Variants in COL26A1 observed in about 807,000 individuals in gnomAD.
COL26A1 encodes collagen type XXVI alpha 1 chain, also known as collagen alpha-1(XXVI) chain.
A neutral mutation model predicts 59.3 loss-of-function variants in COL26A1; 41 were observed. The observed-to-expected ratio is 0.69, with a 90% confidence interval of 0.54 to 0.90. The LOEUF (loss-of-function observed/expected upper bound fraction) is 0.90, where lower values mean the gene tolerates loss of function less well. COL26A1 is among the 40% of genes least tolerant of loss of function. The pLI, the probability that COL26A1 is intolerant of heterozygous loss-of-function variation, is 0.00. For synonymous variants in COL26A1, 266 were observed against 256.0 expected (o/e 1.04, Z -0.37); for missense variants, 612 against 602.3 (o/e 1.02, Z -0.17).
At chr7:101,548,686 C>A (rs1335576787) in intron 8 of COL26A1, among the ~76,000 whole-genome samples, 1 of 151,976 alleles carries the variant, frequency 6.6e-6, no homozygotes, top group Admixed American at 6.5e-5. Flanking sequence ...AGGGGCCGGG[C>A]TGAGGACTTC....
intron 3 of COL26A1, among the ~76,000 whole-genome samples, chr7:101,459,458 C>T (rs1250981321): frequency 7.3e-6 from 1 of 136,284 alleles, no homozygotes; most frequent in Non-Finnish European, 1.5e-5. Context: ...CACCACCACA[C>T]CCGGCTAATT....
chr7:101,491,471 T>G (rs1356644391), intron 3 of COL26A1, among the ~76,000 whole-genome samples: 1 of 152,090 alleles, frequency 6.6e-6, no homozygotes, highest in Non-Finnish European at 1.5e-5. Context: ...AAGTCCACAG[T>G]GCAAAGCAAA....
chr7:101,378,821 C>T (rs1791380699), intron 1 of COL26A1, among the ~76,000 whole-genome samples: 1 of 152,120 alleles, frequency 6.6e-6, no homozygotes, highest in African/African-American at 2.4e-5. Context: ...TTCCCAGCCC[C>T]TTGGAGGATG....
chr7:101,412,249 A>C (rs550765436), intron 1 of COL26A1, among the ~76,000 whole-genome samples: 29 of 152,292 alleles, frequency 1.9e-4, no homozygotes, highest in African/African-American at 6.7e-4. Context: ...TGCCATGACA[A>C]CACCAGGAGT....
rs768104250 is a variant in COL26A1 at position 101,547,156 on chromosome 7, A to T, written c.857A>T (p.Asn286Ile). 5.2e-5 allele frequency: 83 copies of T among 1,591,846 alleles called. 1 individual carries two copies. In the East Asian group the frequency reaches 1.7e-3, roughly 32 times the overall value. ...CCTGGCCGCTCCGCTCTTCCCACAGATGGAGACTCAAGGCTGGCCTCTGCC... is the reference window on the plus strand; with the variant it reads ...CCTGGCCGCTCCGCTCTTCCCACAGTTGGAGACTCAAGGCTGGCCTCTGCC... The part of the protein sequence containing the change: ...YSLQPPTDKD[N>I]GDSRLASAIV... Residue 286 changes from asparagine (N) to isoleucine (I), a missense_variant and splice_region_variant, in exon 8 of 13, where the codon AAT becomes ATT. Physicochemically the swap from Asn to Ile is moderately radical, Grantham distance 149. Transcript: ENST00000313669.
At chr7:101,365,697 C>T (rs10953334) in intron 1 of COL26A1, among the ~76,000 whole-genome samples, 87,491 of 151,230 alleles carry the variant, frequency 0.58, 26,809 homozygotes, top group African/African-American at 0.8. Context: ...GTGCTGGGAT[C>T]ACAGGCATGA....
chr7:101,419,091 C>G, intron 1 of COL26A1, among the ~76,000 whole-genome samples: 1 of 120,262 alleles, frequency 8.3e-6, no homozygotes, highest in East Asian at 2.5e-4. Flanking sequence ...CTCCCCTCCC[C>G]TCCCCTCCCC....
intron 4 of COL26A1, among the ~76,000 whole-genome samples, chr7:101,538,824 C>T (rs920652935): frequency 6.6e-6 from 1 of 152,206 alleles, no homozygotes; most frequent in Non-Finnish European, 1.5e-5. Context: ...CCCAGGGGCA[C>T]TGCAGAACTG....
chr7:101,374,070 C>T (rs1182095270), intron 1 of COL26A1, among the ~76,000 whole-genome samples: 1 of 152,160 alleles, frequency 6.6e-6, no homozygotes, highest in Non-Finnish European at 1.5e-5. Context: ...GCACAAAGTG[C>T]TCCGGGAATT....
At chr7:101,466,300 C>T (rs1411976113) in intron 3 of COL26A1, among the ~76,000 whole-genome samples, 1 of 152,084 alleles carries the variant, frequency 6.6e-6, no homozygotes, top group Non-Finnish European at 1.5e-5. Context: ...AATGAGGTGA[C>T]AAGTACCTGA....
chr7:101,477,540 A>T (rs1794076233), intron 3 of COL26A1, among the ~76,000 whole-genome samples: 1 of 152,036 alleles, frequency 6.6e-6, no homozygotes. Context: ...GAGGGGGAGG[A>T]AGGGTGTATA....
At chr7:101,506,404 C>T (rs1794813254) in intron 3 of COL26A1, among the ~76,000 whole-genome samples, 1 of 152,236 alleles carries the variant, frequency 6.6e-6, no homozygotes, top group African/African-American at 2.4e-5. Context: ...TGGAAAGGAG[C>T]ATGTTTTGGC....
In COL26A1 at chr7:101,410,037, G is replaced by C. The variant is rs530524085; in HGVS notation, c.159-9940G>C. ...AGCCTCCCAAAGTGCTGGGATTATG[G>C]GTGTGAGCCACCGCACCTGGCCAGA... On this transcript the variant is annotated intron_variant, in intron 1 of 12. Coordinates refer to ENST00000313669, the MANE Select transcript of COL26A1 (RefSeq NM_001278563.3). Among the ~76,000 whole-genome samples the C allele has an allele frequency of 2.3e-4, 35 of 152,230 alleles. 1 individual carries two copies. The South Asian group carries it at 6.2e-3, about 27-fold the overall frequency.
intron 1 of COL26A1, among the ~76,000 whole-genome samples, chr7:101,397,177 C>T (rs887995645): frequency 2.0e-5 from 3 of 152,106 alleles, no homozygotes; most frequent in African/African-American, 7.2e-5. Context: ...CAGGTCCTTG[C>T]CTGTTCTTGT....
chr7:101,395,736 A>T (rs189479236), intron 1 of COL26A1, among the ~76,000 whole-genome samples: 2 of 152,284 alleles, frequency 1.3e-5, no homozygotes, highest in African/African-American at 4.8e-5. Flanking sequence ...GAGGGGAAAA[A>T]TAGGGGGAAG....
intron 5 of COL26A1, among the ~76,000 whole-genome samples, chr7:101,542,325 A>G (rs1310991003): frequency 6.6e-6 from 1 of 152,114 alleles, no homozygotes; most frequent in African/African-American, 2.4e-5. Context: ...CTGGCCTCAA[A>G]CTCCTGACCT....
chr7:101,429,589 C>CTTTTTTTTT (rs58432413), intron 2 of COL26A1, among the ~76,000 whole-genome samples: 804 of 78,538 alleles, frequency 0.01, 47 homozygotes, highest in African/African-American at 0.026. Flanking sequence ...TTCTTTTTTA[C>CTTTTTTTTT]TTTTTTTTTT....
chr7:101,414,032 A>C (rs567981540), intron 1 of COL26A1, among the ~76,000 whole-genome samples: 9 of 152,210 alleles, frequency 5.9e-5, no homozygotes, highest in Admixed American at 1.3e-4. Flanking sequence ...GGACGCAGGG[A>C]TCCTAGGGGC....
At chr7:101,469,035 C>CTA (rs1793831994) in intron 3 of COL26A1, among the ~76,000 whole-genome samples, 1 of 152,212 alleles carries the variant, frequency 6.6e-6, no homozygotes, top group African/African-American at 2.4e-5. Flanking sequence ...TTTCCATCTC[C>CTA]TGATCTTCTA....
Sources: gnomAD v4.1 joint callset for allele counts (sites outside exome capture counted in the v4.1 genomes callset) on GRCh38, gnomAD v4.1.1 for gene constraint, MANE v1.5 for transcripts, NCBI Gene and HGNC (gene_info 2026-07-23, HGNC 2026-07-21) for gene names.